Variants in HS6ST3 observed in about 807,000 individuals in gnomAD.
HS6ST3 encodes heparan sulfate 6-O-sulfotransferase 3.
A neutral mutation model predicts 36.7 loss-of-function variants in HS6ST3; 12 were observed. That is an observed-to-expected ratio of 0.33 (90% confidence interval 0.21 to 0.53). HS6ST3 has a LOEUF of 0.53. Among genes scored for constraint, HS6ST3 ranks in the 20% least tolerant of loss-of-function variants. The pLI is 0.95. For synonymous variants in HS6ST3, 240 were observed against 257.5 expected, an observed-to-expected ratio of 0.93 and a Z score of 0.65; for missense variants, 584 against 640.9, an observed-to-expected ratio of 0.91 and a Z score of 0.96.
chr13:96,494,686 C>G (rs570474437), intron 1 of HS6ST3, among the ~76,000 whole-genome samples: 1 of 152,152 alleles, frequency 6.6e-6, no homozygotes, highest in Non-Finnish European at 1.5e-5. Context: ...TACACACACA[C>G]ACACGAGGTA....
At chr13:96,579,469 A>G (rs1397294305) in intron 1 of HS6ST3, among the ~76,000 whole-genome samples, 1 of 152,218 alleles carries the variant, frequency 6.6e-6, no homozygotes. Context: ...ATGGACTAAA[A>G]AAAAACTTTT....
chr13:96,614,907 A>T (rs919217158), intron 1 of HS6ST3, among the ~76,000 whole-genome samples: 6 of 152,186 alleles, frequency 3.9e-5, no homozygotes, highest in African/African-American at 1.4e-4. Flanking sequence ...ATACATTTTT[A>T]TAGTAAGACT....
At chr13:96,690,975 T>C (rs1874940092) in intron 1 of HS6ST3, among the ~76,000 whole-genome samples, 2 of 152,136 alleles carry the variant, frequency 1.3e-5, no homozygotes, top group Admixed American at 6.6e-5. Context: ...CACCCAGTAC[T>C]TTCCAATTCC....
At chr13:96,383,111 C>T (rs954434034) in intron 1 of HS6ST3, among the ~76,000 whole-genome samples, 29 of 152,156 alleles carry the variant, frequency 1.9e-4, no homozygotes, top group African/African-American at 5.8e-4. Context: ...TAGAAAAATT[C>T]GTCAGTTATA....
At chr13:96,128,998 A>T (rs1285879086) in intron 1 of HS6ST3, among the ~76,000 whole-genome samples, 3 of 151,926 alleles carry the variant, frequency 2.0e-5, no homozygotes, top group Non-Finnish European at 4.4e-5. Context: ...AGTGCTCACC[A>T]CCACACCTGG....
intron 1 of HS6ST3, among the ~76,000 whole-genome samples, chr13:96,774,060 A>G (rs2138509342): frequency 6.6e-6 from 1 of 152,304 alleles, no homozygotes; most frequent in East Asian, 1.9e-4. Flanking sequence ...ACCTCCGGCA[A>G]ACTCCAGCCA....
chr13:96,445,965 G>A (rs1417054969), intron 1 of HS6ST3, among the ~76,000 whole-genome samples: 1 of 152,090 alleles, frequency 6.6e-6, no homozygotes, highest in Non-Finnish European at 1.5e-5. Flanking sequence ...GAAGTCAGGA[G>A]ATTGAGACCA....
chr13:96,429,553 C>T (rs567402430), intron 1 of HS6ST3, among the ~76,000 whole-genome samples: 1 of 152,180 alleles, frequency 6.6e-6, no homozygotes, highest in African/African-American at 2.4e-5. Context: ...CAGCTACTTT[C>T]TTCCCTGTAT....
intron 1 of HS6ST3, among the ~76,000 whole-genome samples, chr13:96,490,440 T>C (rs147152027): frequency 4.6e-5 from 7 of 152,196 alleles, no homozygotes; most frequent in African/African-American, 1.7e-4. Flanking sequence ...AAAATAAATG[T>C]GCAGGACAGA....
intron 1 of HS6ST3, among the ~76,000 whole-genome samples, chr13:96,674,865 C>T (rs1004797561): frequency 3.3e-5 from 5 of 152,192 alleles, no homozygotes; most frequent in African/African-American, 1.2e-4. Context: ...CTTTGGTCTC[C>T]TCTCACATTC....
intron 1 of HS6ST3, among the ~76,000 whole-genome samples, chr13:96,719,371 A>C (rs1875787544): frequency 6.6e-6 from 1 of 152,030 alleles, no homozygotes; most frequent in Admixed American, 6.6e-5. Context: ...CAGAAAGAGC[A>C]AGAGAGCCTG....
chr13:96,536,898 A>G (rs2056157672), intron 1 of HS6ST3, among the ~76,000 whole-genome samples: 1 of 152,196 alleles, frequency 6.6e-6, no homozygotes, highest in East Asian at 1.9e-4. Flanking sequence ...TCTTCCACCT[A>G]CCTATACAGG....
At chr13:96,549,673 C>T (rs903085577) in intron 1 of HS6ST3, among the ~76,000 whole-genome samples, 1 of 152,010 alleles carries the variant, frequency 6.6e-6, no homozygotes, top group Non-Finnish European at 1.5e-5. Context: ...TGTTTTTACC[C>T]AGGTAACAGT....
intron 1 of HS6ST3, among the ~76,000 whole-genome samples, chr13:96,154,382 G>A (rs1015656827): frequency 2.0e-5 from 3 of 152,016 alleles, no homozygotes; most frequent in African/African-American, 7.2e-5. Context: ...TAAGTTTCAG[G>A]GAAAGTAAAG....
intron 1 of HS6ST3, among the ~76,000 whole-genome samples, chr13:96,208,748 A>G (rs1000780301): frequency 6.6e-6 from 1 of 152,220 alleles, no homozygotes; most frequent in African/African-American, 2.4e-5. Flanking sequence ...CTCTTCTTTG[A>G]TATTATTTAC....
At chr13:96,538,921 G>A (rs536992576) in intron 1 of HS6ST3, among the ~76,000 whole-genome samples, 7 of 152,142 alleles carry the variant, frequency 4.6e-5, no homozygotes, top group Non-Finnish European at 8.8e-5. Flanking sequence ...ATGATTCTGC[G>A]TTTCCAATTG....
intron 1 of HS6ST3, among the ~76,000 whole-genome samples, chr13:96,142,839 A>ATATTGGGCAGTG (rs1192832873): frequency 2.0e-5 from 3 of 152,112 alleles, no homozygotes; most frequent in African/African-American, 7.2e-5. Flanking sequence ...ATTAAAGTGA[A>ATATTGGGCAGTG]CCCATTTTCA....
intron 1 of HS6ST3, among the ~76,000 whole-genome samples, chr13:96,811,680 T>C (rs532927401): frequency 6.6e-6 from 1 of 152,256 alleles, no homozygotes; most frequent in African/African-American, 2.4e-5. Context: ...AATTAGAAAG[T>C]TGAGCACATA....
At position 96,106,789 on chromosome 13, in the gene HS6ST3, C is replaced by T. The variant is rs191228186; in HGVS notation, c.707+15220C>T. On this transcript the variant is annotated intron_variant, in intron 1 of 1. Transcript: ENST00000376705. Reference sequence around the variant, plus strand: ...CAAAGCAAGGTCATTAGCTGAGAGTCGTGAGGAAAGGGAAGGAATGTCGGA... The same window carrying T: ...CAAAGCAAGGTCATTAGCTGAGAGTTGTGAGGAAAGGGAAGGAATGTCGGA... Among the ~76,000 whole-genome samples the T allele has an allele frequency of 2.0e-5, 3 of 152,158 alleles. No individual in the cohort carries two copies. In the East Asian group the frequency reaches 5.8e-4, roughly 29 times the overall value.
Sources: allele counts gnomAD v4.1 joint callset (sites outside exome capture counted in the v4.1 genomes callset), GRCh38; gene constraint gnomAD v4.1.1; transcripts MANE v1.5; gene names NCBI Gene and HGNC (gene_info 2026-07-23, HGNC 2026-07-21).